The following DRC8 variants were observed in gnomAD, a reference collection of about 807,000 sequenced individuals.
The protein encoded by DRC8 is dynein regulatory complex protein 8.
chr1:245,114,910 G>A, the DRC8 span, among the ~76,000 whole-genome samples: 1 of 152,114 alleles, frequency 6.6e-6, no homozygotes, highest in Non-Finnish European at 1.5e-5. Context: ...ATTTTTAGTA[G>A]AGATGGGGTT....
the DRC8 span, chr1:244,970,154 C>T: frequency 1.5e-6 from 1 of 686,110 alleles, no homozygotes; most frequent in Non-Finnish European, 2.7e-6. Context: ...CGGCTCCGGC[C>T]TCGGGTCTGG....
the DRC8 span, among the ~76,000 whole-genome samples, chr1:245,006,999 A>C: frequency 6.6e-6 from 1 of 152,184 alleles, no homozygotes; most frequent in African/African-American, 2.4e-5. Context: ...AAAGGTGTTG[A>C]TGATCAAATA....
the DRC8 span, among the ~76,000 whole-genome samples, chr1:244,981,962 A>G: frequency 1.3e-5 from 2 of 152,246 alleles, no homozygotes; most frequent in Non-Finnish European, 2.9e-5. Context: ...ACACAGGTCC[A>G]CTAAAAGACT....
chr1:245,085,398 GA>G, the DRC8 span, among the ~76,000 whole-genome samples: 3 of 152,200 alleles, frequency 2.0e-5, no homozygotes, highest in Non-Finnish European at 4.4e-5. Context: ...TTTGTTGAAT[GA>G]ATGAGTGAAT....
chr1:245,113,416 C>T, the DRC8 span, among the ~76,000 whole-genome samples: 1 of 152,270 alleles, frequency 6.6e-6, no homozygotes, highest in South Asian at 2.1e-4. Context: ...ACTCTGTTGT[C>T]TTCTCATTGT....
chr1:245,073,212 T>C, the DRC8 span, among the ~76,000 whole-genome samples: 1 of 152,220 alleles, frequency 6.6e-6, no homozygotes, highest in Non-Finnish European at 1.5e-5. Context: ...CTTGGTTCAC[T>C]GTAACCTCTG....
chr1:245,012,047 A>C, the DRC8 span, among the ~76,000 whole-genome samples: 1 of 152,176 alleles, frequency 6.6e-6, no homozygotes, highest in Non-Finnish European at 1.5e-5. Context: ...GTTAAACAGA[A>C]CACAGTTTAG....
chr1:245,088,753 C>T, the DRC8 span, among the ~76,000 whole-genome samples: 3 of 152,124 alleles, frequency 2.0e-5, no homozygotes, highest in Non-Finnish European at 1.5e-5. This position sits in a 1 kb window ranked among gnomAD's most constrained non-coding sequence, Gnocchi z 4.6. Context: ...GACTTTAAAA[C>T]GAGTAGTTTA....
the DRC8 span, among the ~76,000 whole-genome samples, chr1:245,112,254 A>G: frequency 6.6e-6 from 1 of 152,002 alleles, no homozygotes; most frequent in Non-Finnish European, 1.5e-5. Context: ...TTGTATTTTT[A>G]CTAGAGATGG....
the DRC8 span, among the ~76,000 whole-genome samples, chr1:245,099,395 G>A: frequency 6.6e-6 from 1 of 152,156 alleles, no homozygotes; most frequent in Admixed American, 6.5e-5. Context: ...CAGACCCTAG[G>A]ACAAGGGAAG....
the DRC8 span, chr1:245,087,734 C>G: frequency 1.0e-6 from 1 of 991,328 alleles, no homozygotes. Context: ...ACGAACCACT[C>G]GAAAACGAGT....
the DRC8 span, among the ~76,000 whole-genome samples, chr1:245,094,932 T>A: frequency 6.6e-6 from 1 of 152,222 alleles, no homozygotes; most frequent in African/African-American, 2.4e-5. Flanking sequence ...TTTAGAATAA[T>A]ATCACTGTGG....
At chr1:245,086,215 C>T in the DRC8 span, among the ~76,000 whole-genome samples, 1 of 152,168 alleles carries the variant, frequency 6.6e-6, no homozygotes, top group East Asian at 1.9e-4. Flanking sequence ...TATTACAAAC[C>T]TTCCACATAT....
the DRC8 span, chr1:245,002,064 T>G: frequency 3.6e-6 from 5 of 1,386,870 alleles, no homozygotes; most frequent in Admixed American, 9.9e-5. Context: ...ACGTAATCAC[T>G]CATATGACAA....
chr1:245,033,883 G>A, the DRC8 span, among the ~76,000 whole-genome samples: 46 of 151,854 alleles, frequency 3.0e-4, no homozygotes, highest in Non-Finnish European at 3.4e-4. Flanking sequence ...CACCATGCCC[G>A]GCTAATTTTT....
At chr1:244,990,262 G>C in the DRC8 span, among the ~76,000 whole-genome samples, 4 of 152,158 alleles carry the variant, frequency 2.6e-5, no homozygotes, top group African/African-American at 4.8e-5. Context: ...TTTGAGAGAG[G>C]CCATTCATAT....
At chr1:245,098,110 T>C in the DRC8 span, among the ~76,000 whole-genome samples, 1 of 151,862 alleles carries the variant, frequency 6.6e-6, no homozygotes, top group African/African-American at 2.4e-5. Context: ...ATTTGGAAGG[T>C]AGAAGCAACA....
the DRC8 span, among the ~76,000 whole-genome samples, chr1:245,008,134 C>T: frequency 6.6e-6 from 1 of 150,924 alleles, no homozygotes; most frequent in African/African-American, 2.5e-5. Flanking sequence ...CATGGTCTCA[C>T]CACAGCACTT....
chr1:245,067,458 T>A, the DRC8 span, among the ~76,000 whole-genome samples: 11 of 152,222 alleles, frequency 7.2e-5, no homozygotes, highest in African/African-American at 2.7e-4. Flanking sequence ...CAAAGTGTGA[T>A]AAATACTCCC....
Sources: allele counts gnomAD v4.1 joint callset (sites outside exome capture counted in the v4.1 genomes callset), GRCh38; gene constraint gnomAD v4.1.1; non-coding constraint Gnocchi (gnomAD v3.1); transcripts MANE v1.5; gene names NCBI Gene and HGNC (gene_info 2026-07-23, HGNC 2026-07-21).